DCP1A: variants seen among roughly 807,000 people sequenced by gnomAD.
The protein encoded by DCP1A is decapping mRNA 1A, also known as mRNA-decapping enzyme 1A.
DCP1A carries 20 observed loss-of-function variants against 58.0 expected under a neutral mutation model. The ratio of observed to expected loss-of-function variants is 0.34; its 90% confidence interval spans 0.24 to 0.50. The LOEUF (loss-of-function observed/expected upper bound fraction) is 0.50, where lower values mean the gene tolerates loss of function less well. Among genes scored for constraint, DCP1A ranks in the 20% least tolerant of loss-of-function variants. DCP1A has a pLI of 0.98. For synonymous variants in DCP1A, 285 were observed against 275.1 expected, an observed-to-expected ratio of 1.04 and a Z score of -0.36; for missense variants, 613 against 712.2, an observed-to-expected ratio of 0.86 and a Z score of 1.59.
intron 5 of DCP1A, among the ~76,000 whole-genome samples, chr3:53,309,037 G>A (rs782150794): frequency 2.0e-5 from 3 of 152,142 alleles, no homozygotes; most frequent in East Asian, 1.9e-4. Context: ...AACTCATAAT[G>A]GGCCAAGTGT....
intron 7 of DCP1A, 145 bp downstream of exon 7, chr3:53,291,921 ACCT>A: frequency 1.2e-6 from 1 of 808,136 alleles, no homozygotes; most frequent in Non-Finnish European, 1.9e-6. Flanking sequence ...AGGGCTTCTT[ACCT>A]CACCTGTCTC....
intron 8 of DCP1A, 158 bp downstream of exon 8, chr3:53,290,633 G>A (rs916227077): frequency 4.4e-6 from 3 of 681,854 alleles, no homozygotes; most frequent in Non-Finnish European, 5.2e-6. Context: ...CAGAAAGAGG[G>A]AGTCCTGGCT....
rs1706660852 is a variant in DCP1A at position 53,287,041 on chromosome 3, A to G, written c.*539T>C. On this transcript the variant is annotated 3_prime_UTR_variant, in exon 10 of 10. Transcript: ENST00000610213. ...CAAATGGGGCATTCATATAAAATAT[A>G]CTTCACTTGAGGAAATAATTCCTAA... 6.6e-6 allele frequency: 1 copy of G among 152,290 alleles called. No homozygotes were observed. Among genetic ancestry groups the G allele is most frequent in the African/African-American group, 2.4e-5 (1 of 41,446 alleles). The allele number at this position is 152,290 out of a possible 1,614,324, so 9.4% of individuals were successfully genotyped here.
chr3:53,344,218 C>T (rs2029213), intron 2 of DCP1A, among the ~76,000 whole-genome samples: 43,452 of 151,826 alleles, frequency 0.29, 7,403 homozygotes, highest in Admixed American at 0.39. Context: ...AGGGAAGGAA[C>T]CTGCCCTTGT....
At chr3:53,333,499 A>G (rs2089054100) in intron 3 of DCP1A, among the ~76,000 whole-genome samples, 1 of 152,136 alleles carries the variant, frequency 6.6e-6, no homozygotes, top group Non-Finnish European at 1.5e-5. Context: ...TTGTTCAACT[A>G]TCCAATAACT....
chr3:53,327,058 G>C (rs955154822), intron 3 of DCP1A, among the ~76,000 whole-genome samples: 1 of 151,206 alleles, frequency 6.6e-6, no homozygotes, highest in African/African-American at 2.5e-5. Context: ...GAGAGACAAA[G>C]GCAGGGGGAA....
intron 3 of DCP1A, among the ~76,000 whole-genome samples, chr3:53,324,834 A>G (rs1393308784): frequency 6.6e-6 from 1 of 152,172 alleles, no homozygotes; most frequent in Non-Finnish European, 1.5e-5. Context: ...CAGCCTGGGC[A>G]ACACAGTGGG....
chr3:53,331,002 G>A (rs1383472988), intron 3 of DCP1A, among the ~76,000 whole-genome samples: 1 of 151,892 alleles, frequency 6.6e-6, no homozygotes, highest in Non-Finnish European at 1.5e-5. Flanking sequence ...GGGACTGCAG[G>A]TGCGTGCCGC....
At chr3:53,339,446 T>C (rs868922757) in intron 3 of DCP1A, among the ~76,000 whole-genome samples, 16 of 152,242 alleles carry the variant, frequency 1.1e-4, no homozygotes, top group African/African-American at 3.4e-4. Context: ...GGTCTCACTA[T>C]AACAATTTAA....
At chr3:53,297,996 T>C (rs73080273) in intron 6 of DCP1A, among the ~76,000 whole-genome samples, 25,024 of 152,208 alleles carry the variant, frequency 0.16, 2,550 homozygotes, top group Middle Eastern at 0.29. Context: ...GGCGGAAGCA[T>C]TGCTTGAAGC....
intron 3 of DCP1A, among the ~76,000 whole-genome samples, chr3:53,325,776 G>C (rs568350478): frequency 6.6e-6 from 1 of 152,284 alleles, no homozygotes; most frequent in East Asian, 1.9e-4. Context: ...CTCTAGGATA[G>C]AGGGGCAGAA....
rs192766811 is a variant in DCP1A, at chr3:53,325,014, A to C, written c.305-5541T>G. On this transcript the variant is annotated intron_variant, in intron 3 of 9. Coordinates refer to ENST00000610213, the MANE Select transcript of DCP1A (RefSeq NM_018403.7). ...AAATGAAGGCCCCTTTCTTTTGAAA[A>C]TGTAAAAAAAAATACAAATTACAAA... Among the ~76,000 whole-genome samples, 100 of 152,312 alleles carry C rather than the reference A, an allele frequency of 6.6e-4. 1 individual carries two copies. The highest frequency in any genetic ancestry group is 6.8e-3 in the Middle Eastern group (2 of 294).
At chr3:53,324,826 G>A (rs1225984754) in intron 3 of DCP1A, among the ~76,000 whole-genome samples, 1 of 151,908 alleles carries the variant, frequency 6.6e-6, no homozygotes, top group African/African-American at 2.4e-5. Flanking sequence ...TTCAAGACCA[G>A]CCTGGGCAAC....
intron 3 of DCP1A, among the ~76,000 whole-genome samples, chr3:53,325,078 TAAG>T (rs1448805550): frequency 2.0e-5 from 3 of 152,218 alleles, no homozygotes; most frequent in Non-Finnish European, 4.4e-5. Flanking sequence ...TGAGAAATTT[TAAG>T]AAGTGGAGTT....
intron 3 of DCP1A, among the ~76,000 whole-genome samples, chr3:53,341,747 C>T (rs2089208123): frequency 6.6e-6 from 1 of 151,988 alleles, no homozygotes; most frequent in Non-Finnish European, 1.5e-5. Context: ...TTCTGTTGCC[C>T]AGGCTGGAGT....
At chr3:53,343,643 G>A (rs1259714931) in intron 2 of DCP1A, among the ~76,000 whole-genome samples, 2 of 152,110 alleles carry the variant, frequency 1.3e-5, no homozygotes, top group East Asian at 1.9e-4. Flanking sequence ...AGGGAGTCTC[G>A]CTCTGTCACC....
chr3:53,303,263 T>C (rs1462137225), intron 6 of DCP1A, among the ~76,000 whole-genome samples: 1 of 150,114 alleles, frequency 6.7e-6, no homozygotes, highest in African/African-American at 2.5e-5. Flanking sequence ...GGGGTGTTAC[T>C]GTTATTATTT....
intron 1 of DCP1A, 140 bp downstream of exon 1, chr3:53,347,243 C>T (rs1559711860): frequency 9.3e-7 from 1 of 1,080,568 alleles, no homozygotes. Context: ...CAGGCTCTGG[C>T]TAGGCTCTTG....
intron 6 of DCP1A, among the ~76,000 whole-genome samples, chr3:53,301,464 G>C (rs550176982): frequency 6.6e-6 from 1 of 152,052 alleles, no homozygotes; most frequent in African/African-American, 2.4e-5. Context: ...GTAGAGACGG[G>C]GTTTCACCAT....
Sources: allele counts gnomAD v4.1 joint callset (sites outside exome capture counted in the v4.1 genomes callset), GRCh38; gene constraint gnomAD v4.1.1; transcripts MANE v1.5; gene names NCBI Gene and HGNC (gene_info 2026-07-23, HGNC 2026-07-21).